NCBP1: variants seen among roughly 807,000 people sequenced by gnomAD.
NCBP1 encodes the protein nuclear cap-binding protein subunit 1.
NCBP1 carries 16 observed loss-of-function variants against 111.7 expected under a neutral mutation model. That is an observed-to-expected ratio of 0.14 (90% CI 0.10 to 0.22). NCBP1 has a LOEUF of 0.22. NCBP1 is among the 10% of genes least tolerant of loss of function. The probability of loss-of-function intolerance (pLI) is 1.00; values close to 1 mark genes in which losing one functional copy is unlikely to be tolerated. For missense variants in NCBP1, 607 were observed against 957.5 expected (o/e 0.63, Z 4.83); for synonymous variants, 304 against 314.3 (o/e 0.97, Z 0.35).
At chr9:97,655,151 C>T (rs1389125966) in intron 12 of NCBP1, among the ~76,000 whole-genome samples, 4 of 152,066 alleles carry the variant, frequency 2.6e-5, no homozygotes, top group Non-Finnish European at 5.9e-5. Context: ...TAATTTCATT[C>T]TCTAGTCAAG....
intron 19 of NCBP1, 60 bp from the exon 20 acceptor site, chr9:97,666,703 G>C: frequency 8.5e-7 from 1 of 1,170,630 alleles, no homozygotes; most frequent in East Asian, 2.5e-5. Flanking sequence ...AAAGTTGAAA[G>C]ATTTTATTTT....
Position 97,637,973 on chromosome 9 carries a change from A to G in NCBP1, c.35-2821A>G, listed in dbSNP as rs145111774. ...TCTGTCTGAGTGAAGTGGTAATGTT[A>G]TCTTTAATTTACATTTTAAAACTTT... On this transcript the variant is annotated intron_variant, in intron 1 of 22. Transcript: ENST00000375147. 2.8e-3 allele frequency among the ~76,000 whole-genome samples: 432 copies of G among 152,030 alleles called. 2 individuals are homozygous for G. The highest frequency in any genetic ancestry group is 0.01 in the African/African-American group (422 of 41,550).
intron 6 of NCBP1, among the ~76,000 whole-genome samples, chr9:97,647,056 G>A (rs747760228): frequency 1.2e-4 from 18 of 150,690 alleles, no homozygotes; most frequent in Non-Finnish European, 2.2e-4. Flanking sequence ...CATGATTTCC[G>A]TAGTCTCCTG....
intron 6 of NCBP1, among the ~76,000 whole-genome samples, chr9:97,646,571 C>T (rs1827339664): frequency 6.6e-6 from 1 of 152,072 alleles, no homozygotes; most frequent in Non-Finnish European, 1.5e-5. Context: ...CGCAGTGGCT[C>T]ACGCCTGTAA....
At chr9:97,661,139 C>T (rs981298311) in intron 16 of NCBP1, 71 bp downstream of exon 16, 7 of 1,569,958 alleles carry the variant, frequency 4.5e-6, no homozygotes, top group Non-Finnish European at 6.1e-6. Context: ...ATAACTCTGG[C>T]AACATGATGC....
chr9:97,645,104 T>C lies in NCBP1; in HGVS notation c.382-13T>C, dbSNP rs768749350. ...CATTTAGGTTTAATAGCAGAAATTG[T>C]TTGCCCCAACAGGTCCGTTTTTTAT... On this transcript the variant is annotated splice_polypyrimidine_tract_variant and intron_variant, in intron 4 of 22. Coordinates refer to ENST00000375147, the MANE Select transcript of NCBP1 (RefSeq NM_002486.5). 3.8e-5 allele frequency: 61 copies of C among 1,595,980 alleles called. No homozygotes were observed. The highest frequency in any genetic ancestry group is 5.2e-5 in the Non-Finnish European group (61 of 1,163,770).
In NCBP1 at chr9:97,655,218, T is replaced by C. The variant is rs1827615793; in HGVS notation, c.1235+274T>C. On this transcript the variant is annotated intron_variant, in intron 12 of 22. Transcript: ENST00000375147. ...ATAAAATGTTTTATCTGCAATTTCT[T>C]TTTTTTATTTGAGACAGGGTCTTGC... is the stretch of plus-strand genomic sequence containing the variant. Among the ~76,000 whole-genome samples the C allele has an allele frequency of 2.0e-5, 3 of 152,172 alleles. No individual in the cohort carries two copies. The South Asian group carries it at 6.2e-4, about 31-fold the overall frequency.
chr9:97,664,156 G>A (rs1294623217), intron 18 of NCBP1, among the ~76,000 whole-genome samples, 184 bp from the exon 19 acceptor site: 1 of 152,042 alleles, frequency 6.6e-6, no homozygotes, highest in African/African-American at 2.4e-5. Context: ...TCCCGCCTAG[G>A]TGACAGAGCA....
In NCBP1 at chr9:97,655,692, C is replaced by G. The variant is rs760144735; in HGVS notation, c.1236-10C>G. On this transcript the variant is annotated splice_polypyrimidine_tract_variant and intron_variant, in intron 12 of 22. Transcript: ENST00000375147. ...CTTTTTCTCTGCCTACCTCCCCCTT[C>G]TCTACGTAGGTTTATTAATTGGTTT... is the stretch of plus-strand genomic sequence containing the variant. The G allele has an allele frequency of 5.6e-6, 9 of 1,604,464 alleles. No homozygotes were observed. The highest frequency in any genetic ancestry group is 7.7e-6 in the Non-Finnish European group (9 of 1,175,370).
At chr9:97,655,879 A>G in intron 13 of NCBP1, 115 bp downstream of exon 13, 1 of 1,314,712 alleles carries the variant, frequency 7.6e-7, no homozygotes, top group Non-Finnish European at 1.1e-6. Context: ...GTAGTTAAGT[A>G]CAAATAGTTA....
rs3052096 is a variant in NCBP1, at chr9:97,657,885, G to GCTCTCT, written c.1374-738_1374-733dup. Among the ~76,000 whole-genome samples, 195 of 113,986 alleles carry GCTCTCT rather than the reference G, an allele frequency of 1.7e-3. 1 individual carries two copies. The highest frequency in any genetic ancestry group is 6.0e-3 in the African/African-American group (165 of 27,440). 74.8% of individuals were successfully genotyped at this position (113,986 alleles called of 152,430 possible). On this transcript the variant is annotated intron_variant, in intron 14 of 22. Coordinates refer to ENST00000375147, the MANE Select transcript of NCBP1 (RefSeq NM_002486.5). The stretch of plus-strand genomic sequence containing the variant: ...GTATGTACATGAGGAGCCCCGGTAA[G>GCTCTCT]CTCTCTCTCTCTCTCTCTCTCTATA...
At chr9:97,662,253 G>T (rs1308188616) in intron 17 of NCBP1, 109 bp downstream of exon 17, 6 of 774,802 alleles carry the variant, frequency 7.7e-6, no homozygotes, top group Non-Finnish European at 1.3e-5. Flanking sequence ...TCTTAATAGT[G>T]TATAATTGGA....
At chr9:97,658,853 AT>A in intron 15 of NCBP1, 110 bp downstream of exon 15, 1 of 796,186 alleles carries the variant, frequency 1.3e-6, no homozygotes. Flanking sequence ...TGGGGTTTAT[AT>A]TTCCTGTATT....
intron 19 of NCBP1, 108 bp from the exon 20 acceptor site, chr9:97,666,655 G>C: frequency 1.5e-6 from 1 of 667,068 alleles, no homozygotes. Context: ...CAGCCCCAAG[G>C]ACAGAAGGCT....
chr9:97,639,956 C>G (rs778498348), intron 1 of NCBP1, among the ~76,000 whole-genome samples: 3 of 152,012 alleles, frequency 2.0e-5, no homozygotes, highest in Non-Finnish European at 4.4e-5. Context: ...AGAGATTATT[C>G]GAATGATATG....
chr9:97,654,604 A>C (rs895594753), intron 11 of NCBP1, among the ~76,000 whole-genome samples: 2 of 152,086 alleles, frequency 1.3e-5, no homozygotes, highest in African/African-American at 4.8e-5. Context: ...AAGCACAATG[A>C]AACAATGTAT....
rs1249403039 is a variant in NCBP1, at chr9:97,634,653, AAAAG to A, written c.34+740_34+743del. ...AATTCTAGTTTTAACAACAACAAAA[AAAAG>A]ATGCTTATATTACACATAAGCCTTA... On this transcript the variant is annotated intron_variant, in intron 1 of 22. Coordinates refer to ENST00000375147, the MANE Select transcript of NCBP1 (RefSeq NM_002486.5). The A allele has an allele frequency of 4.8e-4, 73 of 152,260 alleles. 1 individual carries two copies. Among genetic ancestry groups the A allele is most frequent in the Admixed American group, 4.6e-3 (71 of 15,288 alleles). 9.4% of individuals were successfully genotyped at this position (152,260 alleles called of 1,614,324 possible).
In NCBP1 at chr9:97,633,828, TC is replaced by T; in HGVS notation, c.-52del. 1 of 1,549,494 alleles carries T rather than the reference TC, an allele frequency of 6.5e-7. No homozygotes were observed. Among genetic ancestry groups the T allele is most frequent in the Non-Finnish European group, 8.7e-7 (1 of 1,153,654 alleles). On this transcript the variant is annotated 5_prime_UTR_variant, in exon 1 of 23. Coordinates refer to ENST00000375147, the MANE Select transcript of NCBP1 (RefSeq NM_002486.5). ...TTGCGTCGGCCAGCGGCCAGACAGT[TC>T]CTGCAGCGCTTACCGCCTGGCCTCT...
chr9:97,665,999 A>G (rs893276623), intron 19 of NCBP1, among the ~76,000 whole-genome samples: 1 of 152,216 alleles, frequency 6.6e-6, no homozygotes, highest in Non-Finnish European at 1.5e-5. Context: ...GCTGAGGAAG[A>G]GGAGGGGTTG....
Sources: gnomAD v4.1 joint callset for allele counts (sites outside exome capture counted in the v4.1 genomes callset) on GRCh38, gnomAD v4.1.1 for gene constraint, MANE v1.5 for transcripts, NCBI Gene and HGNC (gene_info 2026-07-23, HGNC 2026-07-21) for gene names.